The following DSCAM variants were observed in gnomAD, a reference collection of about 807,000 sequenced individuals.
DSCAM encodes DS cell adhesion molecule.
In DSCAM, 47 loss-of-function variants were observed where a neutral mutation model predicts 217.7. The ratio of observed to expected loss-of-function variants is 0.22; its 90% CI spans 0.17 to 0.28. The LOEUF (loss-of-function observed/expected upper bound fraction) is 0.28. DSCAM is among the 10% of genes least tolerant of loss of function. The pLI is 1.00. For missense variants in DSCAM, 2,080 were observed against 2,618.3 expected (o/e 0.79, Z 4.49); for synonymous variants, 1,056 against 1,015.3 (o/e 1.04, Z -0.76).
intron 3 of DSCAM, among the ~76,000 whole-genome samples, chr21:40,388,314 T>G (rs1311531182): frequency 1.3e-5 from 2 of 152,022 alleles, no homozygotes; most frequent in African/African-American, 4.8e-5. Context: ...CAAATATGAT[T>G]GATATAAAAA....
intron 11 of DSCAM, among the ~76,000 whole-genome samples, chr21:40,260,998 G>A (rs73369804): frequency 0.04 from 6,074 of 152,150 alleles, 346 homozygotes; most frequent in East Asian, 0.22. Context: ...CTCTGTGACC[G>A]AGATGGATCA....
intron 1 of DSCAM, among the ~76,000 whole-genome samples, chr21:40,749,360 T>C (rs1418283744): frequency 1.3e-5 from 2 of 152,004 alleles, no homozygotes; most frequent in Non-Finnish European, 2.9e-5. Context: ...TATAAGGAAC[T>C]CAAACAACTC....
intron 3 of DSCAM, among the ~76,000 whole-genome samples, chr21:40,620,445 A>C (rs2089495442): frequency 2.2e-5 from 3 of 137,232 alleles, no homozygotes; most frequent in African/African-American, 8.5e-5. Context: ...AAGGGAGGGA[A>C]AGGAAAGGAA....
intron 3 of DSCAM, among the ~76,000 whole-genome samples, chr21:40,443,285 T>C (rs1472235890): frequency 6.6e-6 from 1 of 152,268 alleles, no homozygotes. Context: ...ATCTGCATAA[T>C]GTACCCTACT....
intron 3 of DSCAM, among the ~76,000 whole-genome samples, chr21:40,675,469 C>T (rs557929828): frequency 5.9e-5 from 9 of 152,186 alleles, no homozygotes; most frequent in South Asian, 2.1e-4. Flanking sequence ...AGAATCCCCA[C>T]GCCAATAACT....
intron 14 of DSCAM, among the ~76,000 whole-genome samples, chr21:40,186,444 C>T (rs2090895519): frequency 6.6e-6 from 1 of 152,114 alleles, no homozygotes; most frequent in African/African-American, 2.4e-5. Context: ...TGACTAGAGG[C>T]CACTGTGGTG....
intron 11 of DSCAM, among the ~76,000 whole-genome samples, chr21:40,247,451 C>T (rs1952766607): frequency 6.6e-6 from 1 of 152,178 alleles, no homozygotes; most frequent in Admixed American, 6.5e-5. Flanking sequence ...TATAGCCATT[C>T]CAAATGGGAG....
chr21:40,352,658 A>G (rs1237783933), intron 5 of DSCAM, among the ~76,000 whole-genome samples: 1 of 152,172 alleles, frequency 6.6e-6, no homozygotes, highest in Non-Finnish European at 1.5e-5. Context: ...TAGTTCATCA[A>G]ATAAAAATAT....
intron 2 of DSCAM, among the ~76,000 whole-genome samples, chr21:40,704,128 T>C (rs765268881): frequency 1.3e-5 from 2 of 152,126 alleles, no homozygotes; most frequent in African/African-American, 4.8e-5. Flanking sequence ...ACCATTACAG[T>C]ATCATACAGA....
intron 3 of DSCAM, among the ~76,000 whole-genome samples, chr21:40,532,954 C>T (rs948904154): frequency 2.0e-5 from 3 of 151,818 alleles, no homozygotes; most frequent in African/African-American, 7.3e-5. Flanking sequence ...GGGCATTTCA[C>T]AGGGCCCCAG....
intron 1 of DSCAM, among the ~76,000 whole-genome samples, chr21:40,728,632 C>T (rs1014940860): frequency 3.9e-5 from 6 of 151,994 alleles, no homozygotes; most frequent in African/African-American, 1.2e-4. Flanking sequence ...GTTGGCCAGG[C>T]TGGTCTCGAA....
chr21:40,599,598 ATAAC>A (rs199571592), intron 3 of DSCAM, among the ~76,000 whole-genome samples: 2,519 of 152,314 alleles, frequency 0.017, 60 homozygotes, highest in African/African-American at 0.058. Flanking sequence ...AAAACAATAA[ATAAC>A]TAAGATCAGA....
chr21:40,344,946 A>G (rs1169051503), intron 6 of DSCAM, among the ~76,000 whole-genome samples: 1 of 152,164 alleles, frequency 6.6e-6, no homozygotes, highest in Non-Finnish European at 1.5e-5. Flanking sequence ...CTGAAGCTCT[A>G]ATCATTTTCT....
rs7280995 is a variant in DSCAM, at chr21:40,288,839, T to G, written c.2182+7216A>C. Among the ~76,000 whole-genome samples the G allele has an allele frequency of 9.4e-3, 1,431 of 152,290 alleles. 16 individuals are homozygous for G. The highest frequency in any genetic ancestry group is 0.033 in the African/African-American group (1,366 of 41,562). On this transcript the variant is annotated intron_variant, in intron 10 of 32. Transcript: ENST00000400454. ...ATCACATTTATCCCCTTATTTTATCTGTTTCAGCTGCAAGGATGCTGTGGT... is the reference window on the plus strand; with the variant it reads ...ATCACATTTATCCCCTTATTTTATCGGTTTCAGCTGCAAGGATGCTGTGGT...
chr21:40,339,247 G>A lies in DSCAM; in HGVS notation c.1379C>T (p.Thr460Met), dbSNP rs765178967. 2.5e-6 allele frequency: 4 copies of A among 1,614,078 alleles called. No homozygotes were observed. The highest frequency in any genetic ancestry group is 2.5e-6 in the Non-Finnish European group (3 of 1,180,048). ...GTAGCTGACCACGTTCCCCTCCGAC[G>A]TGATCATCTGGCTGATGCGGTGACT... ...GGSHRISQMI[T>M]SEGNVVSYLN... The change falls in exon 7 of 33, where the codon ACG (threonine) becomes ATG (methionine). Residue 460 changes from threonine (T) to methionine (M), a missense_variant. By Grantham distance (81) the Thr-to-Met change is moderately conservative (BLOSUM62 -1). Transcript: ENST00000400454.
chr21:40,821,265 C>T (rs1330946981), intron 1 of DSCAM, among the ~76,000 whole-genome samples: 1 of 151,998 alleles, frequency 6.6e-6, no homozygotes, highest in African/African-American at 2.4e-5. Flanking sequence ...AGCTCTGTTG[C>T]ACACAGCTTT....
In DSCAM at chr21:40,708,593, G is replaced by T; in HGVS notation, c.222C>A (p.His74Gln). 6.2e-7 allele frequency: 1 copy of T among 1,610,814 alleles called. No individual in the cohort carries two copies. The highest frequency in any genetic ancestry group is 8.5e-7 in the Non-Finnish European group (1 of 1,178,430). Residue 74 changes from histidine to glutamine, a missense_variant, in exon 2 of 33, where the codon CAC becomes CAA. His to Gln is a conservative substitution (Grantham distance 24, BLOSUM62 0). This residue lies in a region of DSCAM where 568 missense variants were observed against 678.1 expected (regional missense o/e 0.84). Transcript: ENST00000400454. Reference protein sequence around the residue: ...EEIYDVPGIRHVHPNGTLQIF... With the variant: ...EEIYDVPGIRQVHPNGTLQIF... ...TTTGGAGAGTGCCGTTGGGGTGGACGTGGCGGATCCCGGGGACATCGTAGA... is the reference window on the plus strand; with the variant it reads ...TTTGGAGAGTGCCGTTGGGGTGGACTTGGCGGATCCCGGGGACATCGTAGA...
chr21:40,574,271 C>G (rs1241293382), intron 3 of DSCAM, among the ~76,000 whole-genome samples: 1 of 152,130 alleles, frequency 6.6e-6, no homozygotes, highest in Non-Finnish European at 1.5e-5. Context: ...AAAAGAATAA[C>G]AGGTCATGAC....
intron 3 of DSCAM, among the ~76,000 whole-genome samples, chr21:40,678,449 A>G (rs1601843010): frequency 6.6e-6 from 1 of 152,320 alleles, no homozygotes; most frequent in East Asian, 1.9e-4. Context: ...CATCTATAAA[A>G]TAATTCTCCG....
Sources: allele counts gnomAD v4.1 joint callset (sites outside exome capture counted in the v4.1 genomes callset), GRCh38; gene constraint gnomAD v4.1.1; regional missense constraint gnomAD v4.1.1; transcripts MANE v1.5; gene names NCBI Gene and HGNC (gene_info 2026-07-23, HGNC 2026-07-21).